Variants in RPS27A observed in about 807,000 individuals in gnomAD.
The protein encoded by RPS27A is ribosomal protein S27a, also known as ubiquitin-ribosomal protein eS31 fusion protein.
RPS27A carries 1 observed loss-of-function variant against 18.9 expected under a neutral mutation model. The observed-to-expected ratio is 0.05, with a 90% CI of 0.02 to 0.25. RPS27A has a LOEUF of 0.25. Among genes scored for constraint, RPS27A ranks in the 10% least tolerant of loss-of-function variants. The pLI is 1.00. For synonymous variants in RPS27A, 77 were observed against 63.7 expected (o/e 1.21, Z -0.99); for missense variants, 123 against 187.4 (o/e 0.66, Z 2.01).
At chr2:55,233,875 C>T (rs1434195580) in intron 3 of RPS27A, 1 of 568,322 alleles carries the variant, frequency 1.8e-6, no homozygotes. Flanking sequence ...AGTGATCTGC[C>T]CACCTCGACC....
intron 2 of RPS27A, 69 bp from the exon 3 acceptor site, chr2:55,233,294 T>C (rs1164743827): frequency 6.0e-6 from 8 of 1,324,276 alleles, no homozygotes; most frequent in Admixed American, 1.7e-5. Context: ...GTGGTAATTG[T>C]CAAACTAAAT....
chr2:55,235,344 A>C, intron 5 of RPS27A, 84 bp from the exon 6 acceptor site: 1 of 1,491,304 alleles, frequency 6.7e-7, no homozygotes, highest in African/African-American at 1.4e-5. Context: ...TTACACAGTT[A>C]AAAGCTTAAA....
intron 4 of RPS27A, chr2:55,234,502 T>C (rs1675693011): frequency 5.5e-6 from 3 of 546,732 alleles, no homozygotes; most frequent in Non-Finnish European, 9.8e-6. Flanking sequence ...ATGTGGTGTA[T>C]TCTGGACATT....
intron 4 of RPS27A, chr2:55,234,572 T>C: frequency 1.8e-6 from 1 of 567,428 alleles, no homozygotes. Context: ...GTAACTCCTA[T>C]ACTGATACTT....
chr2:55,233,524 CAA>C, intron 3 of RPS27A, 107 bp downstream of exon 3: 1 of 783,280 alleles, frequency 1.3e-6, no homozygotes, highest in Non-Finnish European at 2.3e-6. Flanking sequence ...GTCAGATTGA[CAA>C]AGCGAAATAC....
upstream of RPS27A, chr2:55,232,618 G>A (rs1675521101): frequency 1.6e-6 from 1 of 626,124 alleles, no homozygotes; most frequent in Non-Finnish European, 2.9e-6. Context: ...GGCATTTGGT[G>A]TGGTCGCCTA....
chr2:55,233,136 C>G (rs1017769617), intron 2 of RPS27A: 2 of 637,250 alleles, frequency 3.1e-6, no homozygotes, highest in African/African-American at 3.7e-5. Flanking sequence ...CTCTGCCCGC[C>G]GGGTGCGAGC....
chr2:55,234,129 T>C lies in RPS27A; in HGVS notation c.114T>C (p.Pro38=). The change falls in exon 4 of 6, where the codon CCT becomes CCC. Residue 38 remains proline, a synonymous_variant. Transcript: ENST00000272317. The part of the protein sequence containing the change: ...AKIQDKEGIP[P]DQQRLIFAGK... ...GTTTTTTGTCATTAGGAATTCCTCC[T>C]GATCAGCAGAGACTGATCTTTGCTG... The C allele has an allele frequency of 6.2e-7, 1 of 1,612,642 alleles. No individual in the cohort carries two copies. The highest frequency in any genetic ancestry group is 8.5e-7 in the Non-Finnish European group (1 of 1,178,646).
intron 5 of RPS27A, 109 bp from the exon 6 acceptor site, chr2:55,235,318 AC>A (rs1675733897): frequency 8.1e-7 from 1 of 1,238,342 alleles, no homozygotes; most frequent in African/African-American, 1.5e-5. Context: ...GTTTGTAAGC[AC>A]CAAAACCACC....
chr2:55,232,671 C>G, upstream of RPS27A: 1 of 745,882 alleles, frequency 1.3e-6, no homozygotes, highest in Non-Finnish European at 2.4e-6. Context: ...ACCCCGTGGG[C>G]CTGCGCGGCG....
In RPS27A at chr2:55,234,159, G is replaced by A. The variant is rs199783736; in HGVS notation, c.144G>A (p.Lys48=). The A allele has an allele frequency of 1.4e-5, 23 of 1,613,652 alleles. No homozygotes were observed. In the Admixed American group the frequency reaches 3.8e-4, roughly 27 times the overall value. The change falls in exon 4 of 6, where the codon AAG becomes AAA. Residue 48 remains lysine, a synonymous_variant. Coordinates refer to ENST00000272317, the MANE Select transcript of RPS27A (RefSeq NM_002954.6). ...PDQQRLIFAG[K]QLEDGRTLSD... is the part of the protein sequence containing the mutation. ...AGCAGAGACTGATCTTTGCTGGCAA[G>A]CAGCTGGAAGATGGACGTACTTTGT...
At chr2:55,232,778 AAC>A in intron 1 of RPS27A, 28 bp from the exon 2 acceptor site, 3 of 1,571,436 alleles carry the variant, frequency 1.9e-6, no homozygotes, top group Non-Finnish European at 2.6e-6. Context: ...TCCCTGACCT[AAC>A]CTGTCTCTTC....
intron 2 of RPS27A, 147 bp downstream of exon 2, chr2:55,233,019 G>C (rs1476027536): frequency 7.9e-6 from 6 of 758,590 alleles, no homozygotes; most frequent in Non-Finnish European, 1.4e-5. Context: ...CTTTTGCTGA[G>C]CAACGACCTA....
chr2:55,232,562 C>T, upstream of RPS27A: 1 of 563,414 alleles, frequency 1.8e-6, no homozygotes, highest in South Asian at 2.0e-5. Context: ...ACGAAGTTCA[C>T]GTCCTAGTCT....
At chr2:55,235,049 G>T in intron 5 of RPS27A, 87 bp downstream of exon 5, 2 of 1,411,476 alleles carry the variant, frequency 1.4e-6, no homozygotes, top group Admixed American at 3.7e-5. Context: ...TATTTTCTTG[G>T]ACTTAAACAC....
In RPS27A at chr2:55,233,130, G is replaced by C. The variant is rs578030686; in HGVS notation, c.49-233G>C. 1.7e-5 allele frequency: 11 copies of C among 637,522 alleles called. No individual in the cohort carries two copies. In the Admixed American group the frequency reaches 1.8e-4, roughly 10 times the overall value. The allele number at this position is 637,522 out of a possible 1,614,324, so 39.5% of individuals were successfully genotyped here. ...GCTGCGGTGGGGAAGGAGACGCTCT[G>C]CCCGCCGGGTGCGAGCACGTGTGGC... On this transcript the variant is annotated intron_variant, in intron 2 of 5. Transcript: ENST00000272317.
In RPS27A at chr2:55,235,590, A is replaced by C. The variant is rs1418392951; in HGVS notation, c.*13A>C. The C allele has an allele frequency of 6.3e-7, 1 of 1,599,582 alleles. No homozygotes were observed. On this transcript the variant is annotated 3_prime_UTR_variant, in exon 6 of 6. Coordinates refer to ENST00000272317, the MANE Select transcript of RPS27A (RefSeq NM_002954.6). Reference sequence around the variant, plus strand: ...AGAAGACAAGTAACTGTATGAGTTAATAAAAGACATGAACTAACATTTATT... The same window carrying C: ...AGAAGACAAGTAACTGTATGAGTTACTAAAAGACATGAACTAACATTTATT...
Position 55,232,774 on chromosome 2 carries a change from A to G in RPS27A, c.-17-34A>G, listed in dbSNP as rs996944477. 32 of 1,550,062 alleles carry G rather than the reference A, an allele frequency of 2.1e-5. No homozygotes were observed. In the East Asian group the frequency reaches 7.2e-4, roughly 35 times the overall value. On this transcript the variant is annotated intron_variant, in intron 1 of 5. Transcript: ENST00000272317. ...ATGGTGCCTTCTCTTGTGATCCCTGACCTAACCTGTCTCTTCCTTTTCCTC... is the reference window on the plus strand; with the variant it reads ...ATGGTGCCTTCTCTTGTGATCCCTGGCCTAACCTGTCTCTTCCTTTTCCTC...
intron 3 of RPS27A, 51 bp from the exon 4 acceptor site, chr2:55,234,068 C>A: frequency 8.6e-7 from 1 of 1,163,784 alleles, no homozygotes; most frequent in Non-Finnish European, 1.3e-6. Context: ...AAGTCTGGAG[C>A]ACATCACAGG....
Sources: gnomAD v4.1 joint callset for allele counts on GRCh38, gnomAD v4.1.1 for gene constraint, MANE v1.5 for transcripts, NCBI Gene and HGNC (gene_info 2026-07-23, HGNC 2026-07-21) for gene names.